The following KAT5 variants were observed in gnomAD, a reference collection of about 807,000 sequenced individuals.
KAT5 encodes the protein histone acetyltransferase KAT5.
KAT5 carries 31 observed loss-of-function variants against 68.1 expected under a neutral mutation model. The ratio of observed to expected loss-of-function variants is 0.46; its 90% CI spans 0.34 to 0.61. The LOEUF (loss-of-function observed/expected upper bound fraction) is 0.61, where lower values mean the gene tolerates loss of function less well. KAT5 is among the 20% of genes least tolerant of loss of function. The pLI is 0.01. For synonymous variants in KAT5, 365 were observed against 292.6 expected, an observed-to-expected ratio of 1.25 and a Z score of -2.52; for missense variants, 451 against 725.5, an observed-to-expected ratio of 0.62 and a Z score of 4.35.
At chr11:65,718,772 G>A in intron 11 of KAT5, 23 bp downstream of exon 11, 1 of 1,614,084 alleles carries the variant, frequency 6.2e-7, no homozygotes, top group Non-Finnish European at 8.5e-7. Context: ...CTGTCTACCT[G>A]GGGGTACATG....
In KAT5 at chr11:65,712,279, G is replaced by C; in HGVS notation, c.12G>C (p.Val4=). 7.0e-7 allele frequency: 1 copy of C among 1,429,694 alleles called. No homozygotes were observed. The highest frequency in any genetic ancestry group is 1.5e-5 in the South Asian group (1 of 64,530). 88.6% of individuals were successfully genotyped at this position (1,429,694 alleles called of 1,614,324 possible). A position where few individuals can be genotyped will look rare whatever the true frequency, so the allele number is the denominator to read the frequency against. MAE[V]VSPVPGAGRR... is the part of the protein sequence containing the mutation. Reference sequence around the variant, plus strand: ...TGGAGGGAGGGAAGATGGCGGAGGTGGTGAGTCCGGTGCCCGGGGCGGGGC... The same window carrying C: ...TGGAGGGAGGGAAGATGGCGGAGGTCGTGAGTCCGGTGCCCGGGGCGGGGC... The change falls in exon 1 of 13, where the codon GTG becomes GTC. Residue 4 remains valine, a synonymous_variant. Coordinates refer to ENST00000341318, the MANE Select transcript of KAT5 (RefSeq NM_182710.3).
chr11:65,717,301 C>G, intron 10 of KAT5: 6 of 467,946 alleles, frequency 1.3e-5, no homozygotes, highest in Non-Finnish European at 2.4e-5. Flanking sequence ...GCTGATGTAT[C>G]TGGTAACGTG....
rs1857072786 is a variant in KAT5, at chr11:65,712,958, G to A, written c.284G>A (p.Arg95Gln). 6.2e-7 allele frequency: 1 copy of A among 1,614,096 alleles called. No individual in the cohort carries two copies. ...CTGGATGAATGGGTGACGCATGAGCGGCTGGACCTAAAGAAGATCCAGTTC... is the reference window on the plus strand; with the variant it reads ...CTGGATGAATGGGTGACGCATGAGCAGCTGGACCTAAAGAAGATCCAGTTC... ...KRLDEWVTHE[R>Q]LDLKKIQFPK... Residue 95 changes from arginine (R) to glutamine (Q), a missense_variant, in exon 3 of 13, where the codon CGG becomes CAG. By Grantham distance (43) the Arg-to-Gln change is conservative. Coordinates refer to ENST00000341318, the MANE Select transcript of KAT5 (RefSeq NM_182710.3).
At position 65,714,707 on chromosome 11, in the gene KAT5, G is replaced by A. The variant is rs958777577; in HGVS notation, c.903G>A (p.Lys301=). Residue 301 remains lysine (K), a synonymous_variant, in exon 7 of 13, where the codon AAG becomes AAA. Coordinates refer to ENST00000341318, the MANE Select transcript of KAT5 (RefSeq NM_182710.3). ...TCTACCTGTGCGAGTTCTGCCTCAA[G>A]TACGGCCGTAGTCTCAAGTGTCTTC... ...PVLYLCEFCL[K]YGRSLKCLQR... is the part of the protein sequence containing the mutation. 4.3e-6 allele frequency: 7 copies of A among 1,614,214 alleles called. No homozygotes were observed. Among genetic ancestry groups the A allele is most frequent in the African/African-American group, 1.3e-5 (1 of 75,052 alleles).
rs538167829 is a variant in KAT5 at position 65,719,488 on chromosome 11, G to A, written c.*307G>A. ...GGGGAGCTCTGTACAGAGGGCTGGT[G>A]ATTGTAAAAATTTCTTTTGTAAAGT... On this transcript the variant is annotated 3_prime_UTR_variant, in exon 13 of 13. Transcript: ENST00000341318. The A allele has an allele frequency of 2.2e-4, 134 of 609,894 alleles. No homozygotes were observed. The African/African-American group carries it at 2.2e-3, about 10-fold the overall frequency. 37.8% of individuals were successfully genotyped at this position (609,894 alleles called of 1,614,324 possible).
At position 65,712,430 on chromosome 11, in the gene KAT5, A is replaced by G. The variant is rs1329698583; in HGVS notation, c.163A>G (p.Asn55Asp). 1 of 1,595,644 alleles carries G rather than the reference A, an allele frequency of 6.3e-7. No individual in the cohort carries two copies. The highest frequency in any genetic ancestry group is 8.5e-7 in the Non-Finnish European group (1 of 1,174,978). ...RLPVLRRNQD[N>D]EDEWPLAEIL... ...ACCCGTGCTGCGGCGGAACCAGGAC[A>G]ACGAAGATGAGTGGCGTGAGTGACG... The change falls in exon 1 of 13, where the codon AAC becomes GAC. Residue 55 changes from asparagine (N) to aspartate (D), a missense_variant. By Grantham distance (23) the Asn-to-Asp change is conservative. Around this residue, in one of 4 missense-constraint regions of KAT5, gnomAD observed 104 missense variants for 107.3 expected, o/e 0.97. Transcript: ENST00000341318.
Position 65,718,868 on chromosome 11 carries a change from C to T in KAT5, c.1425-5C>T, listed in dbSNP as rs755408654. The stretch of plus-strand genomic sequence containing the variant: ...TCAGGGAACCTGACCTGTGCTCTCC[C>T]ACAGTGAGATTAGTGAAATCACCAG... On this transcript the variant is annotated splice_polypyrimidine_tract_variant and splice_region_variant and intron_variant, in intron 11 of 12. Coordinates refer to ENST00000341318, the MANE Select transcript of KAT5 (RefSeq NM_182710.3). 2.0e-5 allele frequency: 32 copies of T among 1,614,006 alleles called. No individual in the cohort carries two copies. The South Asian group carries it at 3.2e-4, about 16-fold the overall frequency.
At position 65,712,453 on chromosome 11, in the gene KAT5, A is replaced by G; in HGVS notation, c.178+8A>G. On this transcript the variant is annotated splice_region_variant and intron_variant, in intron 1 of 12. Coordinates refer to ENST00000341318, the MANE Select transcript of KAT5 (RefSeq NM_182710.3). The stretch of plus-strand genomic sequence containing the variant: ...ACAACGAAGATGAGTGGCGTGAGTG[A>G]CGTTGGGGGGCGGGACTAAGGAACC... 1 of 1,580,326 alleles carries G rather than the reference A, an allele frequency of 6.3e-7. No homozygotes were observed. Among genetic ancestry groups the G allele is most frequent in the Non-Finnish European group, 8.6e-7 (1 of 1,169,320 alleles).
rs1590962861 is a variant in KAT5 at position 65,714,562 on chromosome 11, G to A, written c.758G>A (p.Arg253Gln). Residue 253 changes from arginine to glutamine, a missense_variant, in exon 7 of 13, where the codon CGA becomes CAA. This residue lies in a region of KAT5 where 210 missense variants were observed against 423.7 expected (regional missense o/e 0.50). Transcript: ENST00000341318. Reference protein sequence around the residue: ...PRMTGSLVSDRSHDDIVTRMK... With the variant: ...PRMTGSLVSDQSHDDIVTRMK... ...ATGACTGGCAGCCTGGTGTCTGATC[G>A]AAGCCACGACGACATCGTCACCCGG... 6.2e-7 allele frequency: 1 copy of A among 1,614,166 alleles called. No homozygotes were observed. Among genetic ancestry groups the A allele is most frequent in the African/African-American group, 1.3e-5 (1 of 75,042 alleles).
chr11:65,717,074 C>T (rs1028984846), intron 10 of KAT5, 92 bp downstream of exon 10: 18 of 1,019,264 alleles, frequency 1.8e-5, no homozygotes, highest in African/African-American at 3.2e-5. Flanking sequence ...TCAACCCTGG[C>T]TGTGCAGCCC....
At position 65,719,537 on chromosome 11, in the gene KAT5, C is replaced by A; in HGVS notation, c.*356C>A. 1.6e-6 allele frequency: 1 copy of A among 617,052 alleles called. No homozygotes were observed. Among genetic ancestry groups the A allele is most frequent in the Non-Finnish European group, 2.9e-6 (1 of 350,484 alleles). The allele number at this position is 617,052 out of a possible 1,614,324, so 38.2% of individuals were successfully genotyped here. A position where few individuals can be genotyped will look rare whatever the true frequency, so the allele number is the denominator to read the frequency against. On this transcript the variant is annotated 3_prime_UTR_variant, in exon 13 of 13. Coordinates refer to ENST00000341318, the MANE Select transcript of KAT5 (RefSeq NM_182710.3). ...GTAGAAGTTGGGGGTGGGGTGGGTG[C>A]TGGCTGCAAAAATTTCTGGCTTCTC...
In KAT5 at chr11:65,714,921, G is replaced by A; in HGVS notation, c.1029+11G>A. 1 of 1,608,032 alleles carries A rather than the reference G, an allele frequency of 6.2e-7. No homozygotes were observed. The highest frequency in any genetic ancestry group is 1.3e-5 in the African/African-American group (1 of 74,924). On this transcript the variant is annotated intron_variant, in intron 8 of 12. Coordinates refer to ENST00000341318, the MANE Select transcript of KAT5 (RefSeq NM_182710.3). ...GGACGTAAGAACAAGGTTAGTGCTTGAGAGGCAGTGAGGCGCTGGGGTGAA... is the reference window on the plus strand; with the variant it reads ...GGACGTAAGAACAAGGTTAGTGCTTAAGAGGCAGTGAGGCGCTGGGGTGAA...
upstream of KAT5, chr11:65,712,106 TC>T (rs770972063): frequency 1.3e-5 from 8 of 618,432 alleles, no homozygotes; most frequent in East Asian, 6.9e-5. Flanking sequence ...CACTCCGTTT[TC>T]CCCCGAGTCA....
At chr11:65,717,125 C>G in intron 10 of KAT5, 143 bp downstream of exon 10, 1 of 675,966 alleles carries the variant, frequency 1.5e-6, no homozygotes, top group Non-Finnish European at 2.6e-6. Flanking sequence ...GTGGCACTCT[C>G]CCGGGGTTCT....
At chr11:65,714,248 T>TCGCG (rs1857124725) in intron 6 of KAT5, 1 of 564,294 alleles carries the variant, frequency 1.8e-6, no homozygotes, top group African/African-American at 1.9e-5. Flanking sequence ...TGAGCCAAGA[T>TCGCG]CGCGCTACTG....
chr11:65,715,058 A>G, intron 8 of KAT5, 148 bp downstream of exon 8: 1 of 690,972 alleles, frequency 1.4e-6, no homozygotes, highest in Non-Finnish European at 2.6e-6. Context: ...GTAGCCAGGA[A>G]TGAGACAGTC....
At chr11:65,717,128 G>A (rs1312674262) in intron 10 of KAT5, 146 bp downstream of exon 10, 3 of 671,158 alleles carry the variant, frequency 4.5e-6, no homozygotes, top group African/African-American at 3.6e-5. Flanking sequence ...GCACTCTCCC[G>A]GGGTTCTCTC....
At chr11:65,714,249 C>G (rs774401827) in intron 6 of KAT5, 9 of 563,914 alleles carry the variant, frequency 1.6e-5, no homozygotes, top group Non-Finnish European at 2.5e-5. Flanking sequence ...GAGCCAAGAT[C>G]GCGCTACTGC....
intron 6 of KAT5, chr11:65,714,217 C>T: frequency 1.9e-6 from 1 of 537,414 alleles, no homozygotes; most frequent in Non-Finnish European, 3.3e-6. Context: ...ACTGCTTGAA[C>T]CCCGGAGGTG....
Sources: allele counts gnomAD v4.1 joint callset, GRCh38; gene constraint gnomAD v4.1.1; regional missense constraint gnomAD v4.1.1; transcripts MANE v1.5; gene names NCBI Gene and HGNC (gene_info 2026-07-23, HGNC 2026-07-21).